Variants in PCED1B observed in about 807,000 individuals in gnomAD.
PCED1B encodes the protein PC-esterase domain-containing protein 1B.
For missense variants in PCED1B, 573 were observed against 573.9 expected (o/e 1.00, Z 0.02); for synonymous variants, 251 against 246.1 (o/e 1.02, Z -0.19).
intron 3 of PCED1B, among the ~76,000 whole-genome samples, chr12:47,229,329 G>A (rs368109128): frequency 4.0e-5 from 6 of 151,394 alleles, no homozygotes; most frequent in Admixed American, 6.6e-5. Context: ...CAGGAGAATC[G>A]CTTGAACCCA....
chr12:47,191,437 C>T (rs189338214), intron 2 of PCED1B, among the ~76,000 whole-genome samples: 29 of 152,306 alleles, frequency 1.9e-4, no homozygotes, highest in South Asian at 8.3e-4. Context: ...TCTATAAGAT[C>T]TCAAAAGATT....
intron 1 of PCED1B, among the ~76,000 whole-genome samples, chr12:47,090,202 C>T (rs1474354278): frequency 6.6e-6 from 1 of 152,108 alleles, no homozygotes; most frequent in Non-Finnish European, 1.5e-5. Flanking sequence ...AAAGACAATA[C>T]ATCATAAATA....
intron 2 of PCED1B, among the ~76,000 whole-genome samples, chr12:47,212,402 T>C (rs1943120535): frequency 6.6e-6 from 1 of 152,232 alleles, no homozygotes; most frequent in Non-Finnish European, 1.5e-5. Context: ...AATTATTCTC[T>C]GTAAAAAGAG....
chr12:47,203,092 C>A (rs1942815631), intron 2 of PCED1B, among the ~76,000 whole-genome samples: 1 of 151,844 alleles, frequency 6.6e-6, no homozygotes. Flanking sequence ...GCCTCAGCCC[C>A]CCAAGTAACT....
rs563610215 is a variant in PCED1B at position 47,174,277 on chromosome 12, C to T, written c.-525-41945C>T. Among the ~76,000 whole-genome samples, 60 of 152,030 alleles carry T rather than the reference C, an allele frequency of 3.9e-4. 1 individual carries two copies. The highest frequency in any genetic ancestry group is 3.2e-4 in the Non-Finnish European group (22 of 67,968). Reference sequence around the variant, plus strand: ...TACAAAAATTAGCCAGGCATGGTGGCGCATGCTTGTAATTCCAGCTACTCG... The same window carrying T: ...TACAAAAATTAGCCAGGCATGGTGGTGCATGCTTGTAATTCCAGCTACTCG... On this transcript the variant is annotated intron_variant, in intron 2 of 3. Coordinates refer to ENST00000546455, the MANE Select transcript of PCED1B (RefSeq NM_138371.3).
intron 2 of PCED1B, among the ~76,000 whole-genome samples, chr12:47,136,817 A>C (rs918598271): frequency 6.6e-6 from 1 of 152,198 alleles, no homozygotes; most frequent in African/African-American, 2.4e-5. Context: ...CGATATCTAC[A>C]TATACTAGAA....
intron 2 of PCED1B, among the ~76,000 whole-genome samples, chr12:47,151,414 C>T (rs1471831601): frequency 2.0e-5 from 3 of 152,164 alleles, no homozygotes; most frequent in Non-Finnish European, 2.9e-5. Context: ...TAGGCTATAA[C>T]GTCTAGATTG....
intron 2 of PCED1B, among the ~76,000 whole-genome samples, chr12:47,179,064 C>T (rs566469417): frequency 2.6e-5 from 4 of 152,066 alleles, no homozygotes; most frequent in South Asian, 2.1e-4. Flanking sequence ...ATACAAATTG[C>T]GAATTGGAGC....
intron 2 of PCED1B, among the ~76,000 whole-genome samples, chr12:47,215,860 G>A (rs1452047930): frequency 7.4e-6 from 1 of 135,608 alleles, no homozygotes; most frequent in Non-Finnish European, 1.6e-5. Context: ...TTCGAGACCA[G>A]ACTGGCCAAC....
At chr12:47,234,235 T>C (rs906784503) in intron 3 of PCED1B, among the ~76,000 whole-genome samples, 5 of 152,088 alleles carry the variant, frequency 3.3e-5, no homozygotes, top group Non-Finnish European at 7.4e-5. Context: ...TGATCCACCC[T>C]CCTCGGCCTC....
At chr12:47,131,428 G>A (rs1386592874) in intron 2 of PCED1B, among the ~76,000 whole-genome samples, 1 of 152,072 alleles carries the variant, frequency 6.6e-6, no homozygotes, top group African/African-American at 2.4e-5. Flanking sequence ...AACTTGTTAG[G>A]ATAAATGTGT....
intron 2 of PCED1B, among the ~76,000 whole-genome samples, chr12:47,187,070 G>A (rs115779153): frequency 0.012 from 1,805 of 152,244 alleles, 31 homozygotes; most frequent in African/African-American, 0.041. Context: ...AGTGGGTAGT[G>A]CCTATCACAC....
intron 2 of PCED1B, among the ~76,000 whole-genome samples, chr12:47,131,453 C>T (rs1162806731): frequency 6.6e-6 from 1 of 152,148 alleles, no homozygotes; most frequent in African/African-American, 2.4e-5. Context: ...AGTTGCAGCT[C>T]CTCATCTGGC....
chr12:47,236,311 T>C lies in PCED1B; in HGVS notation c.1248T>C (p.Pro416=), dbSNP rs1943986459. The C allele has an allele frequency of 6.2e-7, 1 of 1,612,930 alleles. No individual in the cohort carries two copies. The highest frequency in any genetic ancestry group is 1.3e-5 in the African/African-American group (1 of 74,896). ...CCTATACGCCCTGGGGACAGCGGCC[T>C]CGACCTTCAAAGAGAAGGGCCCCAG... ...RGPYTPWGQR[P]RPSKRRAPAN... Residue 416 remains proline, a synonymous_variant, in exon 4 of 4, where the codon CCT becomes CCC. Coordinates refer to ENST00000546455, the MANE Select transcript of PCED1B (RefSeq NM_138371.3).
chr12:47,095,915 GT>G (rs199896206), intron 1 of PCED1B, among the ~76,000 whole-genome samples: 11 of 151,316 alleles, frequency 7.3e-5, no homozygotes, highest in South Asian at 4.2e-4. Context: ...GAGAAGCTTG[GT>G]TTTTTTTTAC....
chr12:47,230,453 CT>C (rs1216356366), intron 3 of PCED1B, among the ~76,000 whole-genome samples: 3 of 148,848 alleles, frequency 2.0e-5, no homozygotes, highest in Non-Finnish European at 4.5e-5. Flanking sequence ...ACACTTTTCC[CT>C]TTTTTTTGAC....
chr12:47,217,517 A>AGAT (rs1943329536), intron 3 of PCED1B, among the ~76,000 whole-genome samples: 1 of 65,426 alleles, frequency 1.5e-5, no homozygotes, highest in Non-Finnish European at 2.6e-5. Flanking sequence ...AGAAAGAAAG[A>AGAT]AGAAAGAGAA....
At chr12:47,170,514 G>C (rs1941695228) in intron 2 of PCED1B, among the ~76,000 whole-genome samples, 1 of 146,588 alleles carries the variant, frequency 6.8e-6, no homozygotes, top group Admixed American at 6.7e-5. Context: ...CGGCCGGGCG[G>C]AGGCGCCCCC....
intron 2 of PCED1B, among the ~76,000 whole-genome samples, chr12:47,203,811 C>G (rs1318120811): frequency 6.6e-6 from 1 of 152,024 alleles, no homozygotes; most frequent in African/African-American, 2.4e-5. Flanking sequence ...GATTTATATT[C>G]CTTTGGGTAT....
Sources: gnomAD v4.1 joint callset for allele counts (sites outside exome capture counted in the v4.1 genomes callset) on GRCh38, gnomAD v4.1.1 for gene constraint, MANE v1.5 for transcripts, NCBI Gene and HGNC (gene_info 2026-07-23, HGNC 2026-07-21) for gene names.